Variants in SCRN1 observed in about 807,000 individuals in gnomAD.
SCRN1 encodes secernin-1.
In SCRN1, 19 loss-of-function variants were observed where a neutral mutation model predicts 43.3. The ratio of observed to expected loss-of-function variants is 0.44; its 90% CI spans 0.31 to 0.64. The LOEUF (loss-of-function observed/expected upper bound fraction) is 0.64. Ranked by LOEUF, SCRN1 falls within the 30% of genes least tolerant of loss-of-function variation. The pLI is 0.09. For synonymous variants in SCRN1, 183 were observed against 188.9 expected (o/e 0.97, Z 0.26); for missense variants, 447 against 524.1 (o/e 0.85, Z 1.44).
intron 5 of SCRN1, among the ~76,000 whole-genome samples, chr7:29,938,258 T>TG (rs903450245): frequency 2.6e-5 from 4 of 152,244 alleles, no homozygotes; most frequent in African/African-American, 4.8e-5. Flanking sequence ...CTTGAACTCC[T>TG]GGCCTCAAGT....
chr7:29,937,665 G>A (rs989563082), intron 5 of SCRN1, among the ~76,000 whole-genome samples: 4 of 152,098 alleles, frequency 2.6e-5, no homozygotes, highest in Non-Finnish European at 5.9e-5. Context: ...TGCACAGAGA[G>A]GCATTTAGAA....
chr7:29,969,263 T>C (rs1290154587), intron 1 of SCRN1, 195 bp from the exon 2 acceptor site: 2 of 610,842 alleles, frequency 3.3e-6, no homozygotes, highest in Admixed American at 3.0e-5. Context: ...AGACCAGATA[T>C]TGTTTAATAC....
At position 29,950,892 on chromosome 7, in the gene SCRN1, C is replaced by T. The variant is rs905414713; in HGVS notation, c.341+4287G>A. Reference sequence around the variant, plus strand: ...CTCAATGAAGCTCCTCACCACCTTGCTCACTCTCCAGCTGTCCATGTATCT... The same window carrying T: ...CTCAATGAAGCTCCTCACCACCTTGTTCACTCTCCAGCTGTCCATGTATCT... On this transcript the variant is annotated intron_variant, in intron 3 of 7. Transcript: ENST00000242059. This position sits in a 1 kb window ranked among gnomAD's most constrained non-coding sequence, Gnocchi z 4.5. 4.6e-5 allele frequency among the ~76,000 whole-genome samples: 7 copies of T among 152,364 alleles called. No homozygotes were observed. The highest frequency in any genetic ancestry group is 6.8e-3 in the Middle Eastern group (2 of 294).
chr7:29,948,422 C>T (rs1787806228), intron 3 of SCRN1, among the ~76,000 whole-genome samples: 1 of 152,234 alleles, frequency 6.6e-6, no homozygotes, highest in African/African-American at 2.4e-5. Context: ...ACAGGTTCCT[C>T]CCGCCTACAA....
At chr7:29,952,848 C>A (rs1055460702) in intron 3 of SCRN1, among the ~76,000 whole-genome samples, 12 of 152,208 alleles carry the variant, frequency 7.9e-5, no homozygotes, top group Non-Finnish European at 1.2e-4. Flanking sequence ...GGTGCAGATG[C>A]CTGTGACTCC....
intron 6 of SCRN1, among the ~76,000 whole-genome samples, chr7:29,933,699 T>C (rs1301371721): frequency 1.3e-5 from 2 of 152,018 alleles, no homozygotes; most frequent in African/African-American, 2.4e-5. Flanking sequence ...TTCTCAACCT[T>C]ACATACTACC....
chr7:29,976,512 T>C (rs535682943), intron 1 of SCRN1, among the ~76,000 whole-genome samples: 1 of 152,348 alleles, frequency 6.6e-6, no homozygotes, highest in African/African-American at 2.4e-5. Context: ...TGCAACAATA[T>C]GGATGTCCTT....
At chr7:29,955,588 G>C (rs1012718717) in intron 2 of SCRN1, among the ~76,000 whole-genome samples, 5 of 152,164 alleles carry the variant, frequency 3.3e-5, no homozygotes, top group African/African-American at 7.2e-5. Flanking sequence ...CACGTAATAG[G>C]GCAATCATCT....
intron 2 of SCRN1, among the ~76,000 whole-genome samples, chr7:29,967,171 C>G (rs1465412064): frequency 6.9e-6 from 1 of 145,050 alleles, no homozygotes; most frequent in Non-Finnish European, 1.5e-5. Flanking sequence ...AAACTACCAT[C>G]TAAACACACA....
upstream of SCRN1, chr7:29,989,966 G>C: frequency 1.4e-6 from 2 of 1,391,004 alleles, no homozygotes; most frequent in Non-Finnish European, 1.9e-6. Flanking sequence ...GGGGGCCTGG[G>C]AGCTGGAGGA....
Position 29,922,377 on chromosome 7 carries a change from C to G in SCRN1, c.*1580G>C, listed in dbSNP as rs976992195. 2 of 152,190 alleles carry G rather than the reference C, an allele frequency of 1.3e-5. No homozygotes were observed. The highest frequency in any genetic ancestry group is 6.5e-5 in the Admixed American group (1 of 15,284). 9.4% of individuals were successfully genotyped at this position (152,190 alleles called of 1,614,324 possible). A position where few individuals can be genotyped will look rare whatever the true frequency, so the allele number is the denominator to read the frequency against. On this transcript the variant is annotated 3_prime_UTR_variant, in exon 8 of 8. Transcript: ENST00000242059. Reference sequence around the variant, plus strand: ...CACTGTTCACATCCATGTAACAGGGCTCGGTCCCCTCAAAATCTCATGATA... The same window carrying G: ...CACTGTTCACATCCATGTAACAGGGGTCGGTCCCCTCAAAATCTCATGATA...
At chr7:29,976,087 A>C (rs556516079) in intron 1 of SCRN1, among the ~76,000 whole-genome samples, 36 of 152,310 alleles carry the variant, frequency 2.4e-4, no homozygotes, top group Non-Finnish European at 5.0e-4. Flanking sequence ...GAGTATAAAA[A>C]AATATCTGCT....
chr7:29,937,542 A>G (rs111262394), intron 5 of SCRN1, among the ~76,000 whole-genome samples: 149 of 152,362 alleles, frequency 9.8e-4, no homozygotes, highest in Non-Finnish European at 1.6e-3. Context: ...GATATCCACA[A>G]GAAAGTACAT....
chr7:29,941,634 A>G (rs761285904), intron 4 of SCRN1, among the ~76,000 whole-genome samples: 1 of 152,240 alleles, frequency 6.6e-6, no homozygotes, highest in Non-Finnish European at 1.5e-5. Flanking sequence ...TCTTATAAAA[A>G]TAGAAGTGTG....
At chr7:29,983,079 C>T (rs1207306211) in intron 1 of SCRN1, among the ~76,000 whole-genome samples, 2 of 151,926 alleles carry the variant, frequency 1.3e-5, no homozygotes, top group African/African-American at 4.8e-5. Flanking sequence ...CCTCGTGATC[C>T]GCCCACCTCG....
intron 6 of SCRN1, among the ~76,000 whole-genome samples, chr7:29,935,360 C>T (rs1045315612): frequency 6.6e-6 from 1 of 152,118 alleles, no homozygotes; most frequent in Non-Finnish European, 1.5e-5. Context: ...ATTCCTGAAA[C>T]AGTAAAAGGA....
chr7:29,971,439 C>T (rs564135059), intron 1 of SCRN1, among the ~76,000 whole-genome samples: 1 of 152,202 alleles, frequency 6.6e-6, no homozygotes, highest in South Asian at 2.1e-4. Context: ...TTGAGACCAG[C>T]CTGGACAACA....
chr7:29,962,966 T>C (rs1788375281), intron 2 of SCRN1, among the ~76,000 whole-genome samples: 1 of 151,872 alleles, frequency 6.6e-6, no homozygotes, highest in Non-Finnish European at 1.5e-5. Context: ...GAAAAGCAGA[T>C]TCAGTAGTAT....
At chr7:29,932,481 C>G (rs773646727) in intron 6 of SCRN1, among the ~76,000 whole-genome samples, 3 of 151,342 alleles carry the variant, frequency 2.0e-5, no homozygotes, top group African/African-American at 7.3e-5. Context: ...GGTGAAACCC[C>G]GTCTCTACTA....
Sources: gnomAD v4.1 joint callset for allele counts (sites outside exome capture counted in the v4.1 genomes callset) on GRCh38, gnomAD v4.1.1 for gene constraint, Gnocchi (gnomAD v3.1) non-coding constraint, MANE v1.5 for transcripts, NCBI Gene and HGNC (gene_info 2026-07-23, HGNC 2026-07-21) for gene names.